The following TRAF7 variants were observed in gnomAD, a reference collection of about 807,000 sequenced individuals.
TRAF7 encodes the protein TNF receptor associated factor 7, also known as E3 ubiquitin-protein ligase TRAF7.
Under a neutral mutation model 89.3 loss-of-function variants are expected in TRAF7, and 45 were observed. The observed-to-expected ratio is 0.50, with a 90% CI of 0.40 to 0.65. TRAF7 has a LOEUF of 0.65. Among genes scored for constraint, TRAF7 ranks in the 30% least tolerant of loss-of-function variants. TRAF7 has a pLI of 0.00. For synonymous variants in TRAF7, 406 were observed against 369.2 expected (o/e 1.10, Z -1.14); for missense variants, 677 against 918.1 (o/e 0.74, Z 3.39).
chr16:2,162,048 G>A lies in TRAF7; in HGVS notation c.-38-1835G>A, dbSNP rs1023781318. ...GTCGCAGTGGGGCCTGGGGAAGGCC[G>A]AGGGAGGCTTTGGCCAGGCCCCATC... is the stretch of plus-strand genomic sequence containing the variant. On this transcript the variant is annotated intron_variant, in intron 1 of 20. Coordinates refer to ENST00000326181, the MANE Select transcript of TRAF7 (RefSeq NM_032271.3). The surrounding 1 kb of genome is among the most constrained non-coding windows in gnomAD (Gnocchi z 5.0). Among the ~76,000 whole-genome samples, 3 of 152,204 alleles carry A rather than the reference G, an allele frequency of 2.0e-5. No homozygotes were observed. Among genetic ancestry groups the A allele is most frequent in the Non-Finnish European group, 4.4e-5 (3 of 68,040 alleles).
Position 2,172,363 on chromosome 16 carries a change from C to T in TRAF7, c.648C>T (p.Leu216=). The T allele has an allele frequency of 6.2e-7, 1 of 1,612,028 alleles. No homozygotes were observed. The highest frequency in any genetic ancestry group is 8.5e-7 in the Non-Finnish European group (1 of 1,179,642). ...DPRGCPFTIK[L]SARKDHEGSC... is the part of the protein sequence containing the mutation. Reference sequence around the variant, plus strand: ...GAGGGTGCCCCTTCACCATCAAGCTCAGCGCCCGGAAGTAAGTGCCCCTCC... The same window carrying T: ...GAGGGTGCCCCTTCACCATCAAGCTTAGCGCCCGGAAGTAAGTGCCCCTCC... Residue 216 remains leucine, a synonymous_variant, in exon 8 of 21, where the codon CTC becomes CTT. Transcript: ENST00000326181.
Position 2,161,323 on chromosome 16 carries a change from C to G in TRAF7, c.-38-2560C>G, listed in dbSNP as rs899410635. On this transcript the variant is annotated intron_variant, in intron 1 of 20. Coordinates refer to ENST00000326181, the MANE Select transcript of TRAF7 (RefSeq NM_032271.3). This position sits in a 1 kb window ranked among gnomAD's most constrained non-coding sequence, Gnocchi z 5.2. Reference sequence around the variant, plus strand: ...ACCCCACAGATCCTGTGGTGTTGTCCCCGTGGCCCGGCTGCTGTTGGCCAG... The same window carrying G: ...ACCCCACAGATCCTGTGGTGTTGTCGCCGTGGCCCGGCTGCTGTTGGCCAG... Among the ~76,000 whole-genome samples the G allele has an allele frequency of 2.0e-5, 3 of 152,056 alleles. No homozygotes were observed. Among genetic ancestry groups the G allele is most frequent in the African/African-American group, 7.2e-5 (3 of 41,486 alleles).
chr16:2,163,255 C>T lies in TRAF7; in HGVS notation c.-38-628C>T, dbSNP rs113256049. ...TGGCTGGGAGTGTGGGTGACCTGCA[C>T]GGGTTCCAGGGGCGGGCTCATCTCT... On this transcript the variant is annotated intron_variant, in intron 1 of 20. Coordinates refer to ENST00000326181, the MANE Select transcript of TRAF7 (RefSeq NM_032271.3). This position sits in a 1 kb window ranked among gnomAD's most constrained non-coding sequence, Gnocchi z 4.3. Among the ~76,000 whole-genome samples the T allele has an allele frequency of 1.6e-4, 25 of 152,318 alleles. No individual in the cohort carries two copies. The highest frequency in any genetic ancestry group is 2.6e-4 in the Admixed American group (4 of 15,304).
At position 2,177,525 on chromosome 16, in the gene TRAF7, G is replaced by A; in HGVS notation, c.*951G>A. ...TTCTTGGAGGGGGCAGGAGGAGAGAGGAAAAGGGAGGGCGAGAATGACCAC... is the reference window on the plus strand; with the variant it reads ...TTCTTGGAGGGGGCAGGAGGAGAGAAGAAAAGGGAGGGCGAGAATGACCAC... On this transcript the variant is annotated 3_prime_UTR_variant, in exon 21 of 21. Transcript: ENST00000326181. The A allele has an allele frequency of 4.3e-6, 1 of 234,190 alleles. No individual in the cohort carries two copies. Among genetic ancestry groups the A allele is most frequent in the African/African-American group, 2.2e-5 (1 of 45,398 alleles). 14.5% of individuals were successfully genotyped at this position (234,190 alleles called of 1,614,324 possible).
chr16:2,169,739 C>T (rs2093100761), intron 4 of TRAF7, among the ~76,000 whole-genome samples: 1 of 152,258 alleles, frequency 6.6e-6, no homozygotes, highest in Non-Finnish European at 1.5e-5. Flanking sequence ...CCATGTGCTG[C>T]TTCCATGCAG....
In TRAF7 at chr16:2,175,541, G is replaced by A. The variant is rs997123103; in HGVS notation, c.1545G>A (p.Glu515=). Residue 515 remains glutamate, a synonymous_variant, in exon 17 of 21, where the codon GAG becomes GAA. Coordinates refer to ENST00000326181, the MANE Select transcript of TRAF7 (RefSeq NM_032271.3). ...GCACTGAGCTGAAGTTGAAGAAGGA[G>A]CTCACAGGCCTCAACCACTGGGTGC... is the stretch of plus-strand genomic sequence containing the variant. ...IVGTELKLKK[E]LTGLNHWVRA... The A allele has an allele frequency of 6.2e-7, 1 of 1,613,272 alleles. No homozygotes were observed. The highest frequency in any genetic ancestry group is 8.5e-7 in the Non-Finnish European group (1 of 1,179,992).
chr16:2,163,779 C>A lies in TRAF7; in HGVS notation c.-38-104C>A. 1.3e-6 allele frequency: 1 copy of A among 754,512 alleles called. No homozygotes were observed. The highest frequency in any genetic ancestry group is 2.3e-6 in the Non-Finnish European group (1 of 442,212). 46.7% of individuals were successfully genotyped at this position (754,512 alleles called of 1,614,324 possible). The stretch of plus-strand genomic sequence containing the variant: ...TGGTGGTGGAAGGCTGCTGCGGCGG[C>A]CCCACGGTGCCCCACAGCAGGTCTG... On this transcript the variant is annotated intron_variant, in intron 1 of 20. Coordinates refer to ENST00000326181, the MANE Select transcript of TRAF7 (RefSeq NM_032271.3). The surrounding 1 kb of genome is among the most constrained non-coding windows in gnomAD (Gnocchi z 4.3).
chr16:2,166,560 C>T (rs1224257425), intron 3 of TRAF7, among the ~76,000 whole-genome samples: 4 of 152,168 alleles, frequency 2.6e-5, no homozygotes, highest in African/African-American at 7.2e-5. Flanking sequence ...ACCACCACAC[C>T]TGGCTAATTT....
At chr16:2,173,857 G>GCGGGGGGGCGCCCCCCC in intron 12 of TRAF7, 21 bp downstream of exon 12, 1 of 1,607,500 alleles carries the variant, frequency 6.2e-7, no homozygotes, top group Non-Finnish European at 8.5e-7. Flanking sequence ...ACCCGCCGTG[G>GCGGGGGGGCGCCCCCCC]CTCCCGCCCA....
At position 2,178,061 on chromosome 16, in the gene TRAF7, T is replaced by C. The variant is rs772193884; in HGVS notation, c.*1487T>C. On this transcript the variant is annotated 3_prime_UTR_variant, in exon 21 of 21. Transcript: ENST00000326181. ...TTTAAATATATATTTGTTAAAGTTA[T>C]ACCTTTTTGTTTCTCTGGGGAAATC... is the stretch of plus-strand genomic sequence containing the variant. 4.1e-6 allele frequency: 2 copies of C among 483,054 alleles called. No homozygotes were observed. The highest frequency in any genetic ancestry group is 7.9e-6 in the Non-Finnish European group (2 of 253,254). 29.9% of individuals were successfully genotyped at this position (483,054 alleles called of 1,614,324 possible).
chr16:2,170,179 G>A (rs757170879), intron 4 of TRAF7, among the ~76,000 whole-genome samples: 3 of 152,228 alleles, frequency 2.0e-5, no homozygotes, highest in Admixed American at 2.0e-4. Context: ...GGCCCGGGGG[G>A]CACCTGGAGC....
In TRAF7 at chr16:2,167,991, C is replaced by T. The variant is rs1000632585; in HGVS notation, c.140-86C>T. 2.9e-5 allele frequency: 37 copies of T among 1,276,394 alleles called. No individual in the cohort carries two copies. In the Admixed American group the frequency reaches 6.5e-4, roughly 22 times the overall value. 79.1% of individuals were successfully genotyped at this position (1,276,394 alleles called of 1,614,324 possible). On this transcript the variant is annotated intron_variant, in intron 3 of 20. Transcript: ENST00000326181. ...AGGGCTGTGAGCTACAGGGGACCCACAGGGTCGGGTATCCAGCATGGGCCC... is the reference window on the plus strand; with the variant it reads ...AGGGCTGTGAGCTACAGGGGACCCATAGGGTCGGGTATCCAGCATGGGCCC...
intron 14 of TRAF7, among the ~76,000 whole-genome samples, chr16:2,174,564 C>G (rs1279309578): frequency 6.6e-6 from 1 of 152,148 alleles, no homozygotes; most frequent in Non-Finnish European, 1.5e-5. Flanking sequence ...CAGCCAGCCT[C>G]CCAGCAGAAC....
intron 3 of TRAF7, among the ~76,000 whole-genome samples, chr16:2,166,747 A>G (rs929552867): frequency 2.0e-5 from 3 of 152,248 alleles, no homozygotes; most frequent in African/African-American, 7.2e-5. Context: ...GATACACGAC[A>G]GAAACCTGAA....
rs561859550 is a variant in TRAF7, at chr16:2,159,729, G to T, written c.-39+3871G>T. Among the ~76,000 whole-genome samples the T allele has an allele frequency of 1.4e-4, 22 of 152,316 alleles. No homozygotes were observed. In the South Asian group the frequency reaches 4.6e-3, roughly 32 times the overall value. Reference sequence around the variant, plus strand: ...CAGGCTCCTCCCAGGGCAGTTGCAGGCCTCACAGGCACACCCACCCATGGC... The same window carrying T: ...CAGGCTCCTCCCAGGGCAGTTGCAGTCCTCACAGGCACACCCACCCATGGC... On this transcript the variant is annotated intron_variant, in intron 1 of 20. Transcript: ENST00000326181. This position sits in a 1 kb window ranked among gnomAD's most constrained non-coding sequence, Gnocchi z 6.5.
Position 2,163,836 on chromosome 16 carries a change from G to C in TRAF7, c.-38-47G>C. On this transcript the variant is annotated intron_variant, in intron 1 of 20. Coordinates refer to ENST00000326181, the MANE Select transcript of TRAF7 (RefSeq NM_032271.3). This position sits in a 1 kb window ranked among gnomAD's most constrained non-coding sequence, Gnocchi z 4.3. The stretch of plus-strand genomic sequence containing the variant: ...TGCAGCAGCCCGTCTGACTCACAGG[G>C]GCCTGGGCTCCATCTCTCAAGCCCC... The C allele has an allele frequency of 8.0e-7, 1 of 1,256,394 alleles. No homozygotes were observed. The highest frequency in any genetic ancestry group is 2.5e-5 in the East Asian group (1 of 40,676). The allele number at this position is 1,256,394 out of a possible 1,614,324, so 77.8% of individuals were successfully genotyped here.
At position 2,158,343 on chromosome 16, in the gene TRAF7, G is replaced by C. The variant is rs958638166; in HGVS notation, c.-39+2485G>C. 2.6e-5 allele frequency among the ~76,000 whole-genome samples: 4 copies of C among 152,232 alleles called. No homozygotes were observed. The highest frequency in any genetic ancestry group is 5.9e-5 in the Non-Finnish European group (4 of 68,036). ...TCCCTGGAGGAGGAGGGTGCAGCCA[G>C]GTGGGGCAGGTGAAAGGGGAAAGCG... On this transcript the variant is annotated intron_variant, in intron 1 of 20. Transcript: ENST00000326181. This position sits in a 1 kb window ranked among gnomAD's most constrained non-coding sequence, Gnocchi z 4.7.
At chr16:2,170,510 C>A (rs1366764255) in intron 4 of TRAF7, 104 bp from the exon 5 acceptor site, 2 of 811,788 alleles carry the variant, frequency 2.5e-6, no homozygotes, top group African/African-American at 1.7e-5. Flanking sequence ...GGGGTGGCCC[C>A]AGGGGTGCTG....
chr16:2,172,385 C>CA lies in TRAF7; in HGVS notation c.659+11_659+12insA. 7 of 1,611,552 alleles carry CA rather than the reference C, an allele frequency of 4.3e-6. No homozygotes were observed. Among genetic ancestry groups the CA allele is most frequent in the Non-Finnish European group, 5.1e-6 (6 of 1,179,382 alleles). Reference sequence around the variant, plus strand: ...GCTCAGCGCCCGGAAGTAAGTGCCCCTCCCTGGGCACCTCTGCCTCCCTGG... The same window carrying CA: ...GCTCAGCGCCCGGAAGTAAGTGCCCCATCCCTGGGCACCTCTGCCTCCCTGG... On this transcript the variant is annotated intron_variant, in intron 8 of 20. Transcript: ENST00000326181.
Sources: allele counts gnomAD v4.1 joint callset (sites outside exome capture counted in the v4.1 genomes callset), GRCh38; gene constraint gnomAD v4.1.1; non-coding constraint Gnocchi (gnomAD v3.1); transcripts MANE v1.5; gene names NCBI Gene and HGNC (gene_info 2026-07-23, HGNC 2026-07-21).